The following NACC1 variants were observed in gnomAD, a reference collection of about 807,000 sequenced individuals.
The protein encoded by NACC1 is nucleus accumbens-associated protein 1.
A neutral mutation model predicts 41.7 loss-of-function variants in NACC1; 6 were observed. The ratio of observed to expected loss-of-function variants is 0.14; its 90% CI spans 0.08 to 0.28. The LOEUF (loss-of-function observed/expected upper bound fraction) is 0.28, where lower values mean the gene tolerates loss of function less well. NACC1 is among the 10% of genes least tolerant of loss of function. NACC1 has a pLI of 1.00. For missense variants in NACC1, 434 were observed against 763.7 expected, an observed-to-expected ratio of 0.57 and a Z score of 5.09; for synonymous variants, 338 against 330.6, an observed-to-expected ratio of 1.02 and a Z score of -0.24.
At position 13,135,617 on chromosome 19, in the gene NACC1, A is replaced by C; in HGVS notation, c.410A>C (p.Glu137Ala). Residue 137 changes from glutamate to alanine, a missense_variant, in exon 2 of 6, where the codon GAG becomes GCG. By Grantham distance (107) the Glu-to-Ala change is moderately radical (BLOSUM62 -1). Coordinates refer to ENST00000292431, the MANE Select transcript of NACC1 (RefSeq NM_052876.4). ...GACTCCCAGGGCCTGCATGCGGAGG[A>C]GGCCCCATCGTCGGAGCCCCAGAGC... ...SCDSQGLHAE[E>A]APSSEPQSPV... 6.3e-7 allele frequency: 1 copy of C among 1,582,674 alleles called. No individual in the cohort carries two copies. Among genetic ancestry groups the C allele is most frequent in the Non-Finnish European group, 8.6e-7 (1 of 1,167,222 alleles).
At position 13,138,421 on chromosome 19, in the gene NACC1, C is replaced by T. The variant is rs751873699; in HGVS notation, c.*15C>T. 46 of 1,605,018 alleles carry T rather than the reference C, an allele frequency of 2.9e-5. 1 individual carries two copies. Among genetic ancestry groups the T allele is most frequent in the South Asian group, 2.7e-4 (25 of 90,994 alleles). ...CCCTGCAGTAACCCGCCCAGCCTCC[C>T]GCGGGGCCACACACTTCCCCTCCCA... is the stretch of plus-strand genomic sequence containing the variant. On this transcript the variant is annotated 3_prime_UTR_variant, in exon 6 of 6. Coordinates refer to ENST00000292431, the MANE Select transcript of NACC1 (RefSeq NM_052876.4). This position sits in a 1 kb window ranked among gnomAD's most constrained non-coding sequence, Gnocchi z 5.7.
intron 1 of NACC1, among the ~76,000 whole-genome samples, chr19:13,121,085 T>C (rs2019485403): frequency 6.6e-6 from 1 of 151,934 alleles, no homozygotes; most frequent in African/African-American, 2.4e-5. Context: ...ACAAAGATGG[T>C]GTAGCAAAGT....
intron 1 of NACC1, 38 bp downstream of exon 1, chr19:13,118,492 C>A (rs1207247578): frequency 2.0e-5 from 3 of 150,910 alleles, no homozygotes; most frequent in African/African-American, 7.3e-5. Context: ...CCGGCCTCCT[C>A]CAGCCGGGGC....
At position 13,121,488 on chromosome 19, in the gene NACC1, A is replaced by T. The variant is rs148786451; in HGVS notation, c.-9+3034A>T. On this transcript the variant is annotated intron_variant, in intron 1 of 5. Transcript: ENST00000292431. ...AAAAAATCTGGCCTCCTGGCCGGGC[A>T]GCAGGGAGCCCCAGCAGGTTCTTGA... is the stretch of plus-strand genomic sequence containing the variant. Among the ~76,000 whole-genome samples the T allele has an allele frequency of 2.9e-3, 438 of 152,306 alleles. 2 individuals carry two copies. Among genetic ancestry groups the T allele is most frequent in the African/African-American group, 0.01 (416 of 41,574 alleles).
intron 1 of NACC1, among the ~76,000 whole-genome samples, chr19:13,129,073 G>A (rs1328257721): frequency 6.6e-6 from 1 of 152,164 alleles, no homozygotes; most frequent in Admixed American, 6.5e-5. Context: ...GCCGGGGTGG[G>A]GCAGGAGAGG....
intron 1 of NACC1, among the ~76,000 whole-genome samples, chr19:13,130,001 T>C (rs898153576): frequency 4.0e-5 from 6 of 151,838 alleles, no homozygotes; most frequent in Non-Finnish European, 8.8e-5. Flanking sequence ...TGCACTGTTT[T>C]GTTTGTTTGT....
chr19:13,119,342 T>C (rs2019459244), intron 1 of NACC1, among the ~76,000 whole-genome samples: 1 of 152,018 alleles, frequency 6.6e-6, no homozygotes, highest in Admixed American at 6.5e-5. Flanking sequence ...CTGCCAACTG[T>C]TCAAAGGCAC....
chr19:13,126,958 G>T (rs1228041697), intron 1 of NACC1, among the ~76,000 whole-genome samples: 1 of 152,106 alleles, frequency 6.6e-6, no homozygotes. Context: ...CAGTTTGGCA[G>T]GGGTGGTGGC....
chr19:13,122,199 C>G (rs1458449970), intron 1 of NACC1, among the ~76,000 whole-genome samples: 2 of 152,270 alleles, frequency 1.3e-5, no homozygotes, highest in African/African-American at 4.8e-5. Flanking sequence ...GCCTCCTTGG[C>G]GAAGGTCTCA....
At chr19:13,125,008 T>A (rs1456102421) in intron 1 of NACC1, among the ~76,000 whole-genome samples, 1 of 151,878 alleles carries the variant, frequency 6.6e-6, no homozygotes, top group Non-Finnish European at 1.5e-5. Flanking sequence ...AAAAATTGTT[T>A]TAATTAGCCG....
chr19:13,137,234 G>A lies in NACC1; in HGVS notation c.1121-37G>A. ...TATCATGGGGGCTGTGGCGGTTTGG[G>A]GGCACCCCAGGCCATCCTCCGGCTT... On this transcript the variant is annotated intron_variant, in intron 3 of 5. Coordinates refer to ENST00000292431, the MANE Select transcript of NACC1 (RefSeq NM_052876.4). This position sits in a 1 kb window ranked among gnomAD's most constrained non-coding sequence, Gnocchi z 6.1. 7.5e-6 allele frequency: 12 copies of A among 1,599,580 alleles called. No homozygotes were observed. The highest frequency in any genetic ancestry group is 1.0e-5 in the Non-Finnish European group (12 of 1,168,200).
rs2019767617 is a variant in NACC1 at position 13,140,104 on chromosome 19, T to G, written c.*1698T>G. ...CCCACTGGGGGTCCCTCTTAACATC[T>G]GCTTGTTGCGGGGGTCAGTCATGAG... On this transcript the variant is annotated 3_prime_UTR_variant, in exon 6 of 6. Coordinates refer to ENST00000292431, the MANE Select transcript of NACC1 (RefSeq NM_052876.4). This position sits in a 1 kb window ranked among gnomAD's most constrained non-coding sequence, Gnocchi z 4.0. 6.6e-6 allele frequency: 1 copy of G among 152,644 alleles called. No individual in the cohort carries two copies. The highest frequency in any genetic ancestry group is 6.5e-5 in the Admixed American group (1 of 15,276). The allele number at this position is 152,644 out of a possible 1,614,324, so 9.5% of individuals were successfully genotyped here. A position where few individuals can be genotyped will look rare whatever the true frequency, so the allele number is the denominator to read the frequency against.
chr19:13,134,281 A>G (rs2019670754), intron 1 of NACC1, among the ~76,000 whole-genome samples: 1 of 151,764 alleles, frequency 6.6e-6, no homozygotes, highest in African/African-American at 2.4e-5. Context: ...GCTGGTCTCA[A>G]TCTCCTAGGC....
intron 1 of NACC1, among the ~76,000 whole-genome samples, chr19:13,123,250 T>C (rs2019521450): frequency 6.6e-6 from 1 of 152,128 alleles, no homozygotes; most frequent in South Asian, 2.1e-4. Context: ...CCCTGTCTTT[T>C]GGGTATGATC....
intron 1 of NACC1, among the ~76,000 whole-genome samples, chr19:13,134,128 T>C (rs2019668077): frequency 6.6e-6 from 1 of 152,124 alleles, no homozygotes; most frequent in Non-Finnish European, 1.5e-5. Context: ...CAATCACAGC[T>C]CACTGCAGCC....
In NACC1 at chr19:13,137,295, C is replaced by T. The variant is rs2019719703; in HGVS notation, c.1145C>T (p.Ala382Val). The change falls in exon 4 of 6, where the codon GCG (alanine) becomes GTG (valine). Residue 382 changes from alanine to valine, a missense_variant. This residue lies in a region of NACC1 where 70 missense variants were observed against 206.9 expected (regional missense o/e 0.34). Transcript: ENST00000292431. This position sits in a 1 kb window ranked among gnomAD's most constrained non-coding sequence, Gnocchi z 6.1. ...VTGTNVYITR[A>V]QLMNCHVSAG... ...GGCACCAACGTGTACATCACAAGGG[C>T]GCAGCTGATGAACTGCCACGTCAGC... 3.1e-6 allele frequency: 5 copies of T among 1,613,844 alleles called. No homozygotes were observed. The highest frequency in any genetic ancestry group is 1.3e-5 in the African/African-American group (1 of 75,048).
chr19:13,125,483 C>T (rs1019251489), intron 1 of NACC1, among the ~76,000 whole-genome samples: 11 of 141,288 alleles, frequency 7.8e-5, no homozygotes, highest in African/African-American at 1.3e-4. Context: ...TGCAGTGGTG[C>T]GATCTTGACT....
rs771547152 is a variant in NACC1 at position 13,136,232 on chromosome 19, C to T, written c.947C>T (p.Ala316Val). ...MYSMMNVGQT[A>V]EKVEALPEQV... is the part of the protein sequence containing the mutation. Reference sequence around the variant, plus strand: ...CTCGCGTGCCACTCTCTCCCTGCAGCCGAGAAGGTGGAGGCCCTCCCGGAG... The same window carrying T: ...CTCGCGTGCCACTCTCTCCCTGCAGTCGAGAAGGTGGAGGCCCTCCCGGAG... Residue 316 changes from alanine (A) to valine (V), a missense_variant and splice_region_variant, in exon 3 of 6, where the codon GCC becomes GTC. This residue lies in a region of NACC1 where 234 missense variants were observed against 308.3 expected (regional missense o/e 0.76). Transcript: ENST00000292431. The surrounding 1 kb of genome is among the most constrained non-coding windows in gnomAD (Gnocchi z 5.5). 8.7e-6 allele frequency: 14 copies of T among 1,611,498 alleles called. No homozygotes were observed. Among genetic ancestry groups the T allele is most frequent in the Middle Eastern group, 1.7e-4 (1 of 6,056 alleles).
intron 1 of NACC1, among the ~76,000 whole-genome samples, chr19:13,122,648 T>C (rs1000590592): frequency 6.7e-6 from 1 of 150,002 alleles, no homozygotes; most frequent in African/African-American, 2.5e-5. Context: ...AGTGGCTGGG[T>C]GGGGAATCTC....
Sources: gnomAD v4.1 joint callset for allele counts (sites outside exome capture counted in the v4.1 genomes callset) on GRCh38, gnomAD v4.1.1 for gene constraint, gnomAD v4.1.1 regional missense constraint, Gnocchi (gnomAD v3.1) non-coding constraint, MANE v1.5 for transcripts, NCBI Gene and HGNC (gene_info 2026-07-23, HGNC 2026-07-21) for gene names.